PDE1C: variants seen among roughly 807,000 people sequenced by gnomAD.
The protein encoded by PDE1C is dual specificity calcium/calmodulin-dependent 3',5'-cyclic nucleotide phosphodiesterase 1C.
In PDE1C, 62 loss-of-function variants were observed where a neutral mutation model predicts 93.1. The ratio of observed to expected loss-of-function variants is 0.67; its 90% CI spans 0.54 to 0.82. The LOEUF is 0.82. PDE1C is among the 40% of genes least tolerant of loss of function. The pLI, the probability that PDE1C is intolerant of heterozygous loss-of-function variation, is 0.00. For missense variants in PDE1C, 742 were observed against 884.6 expected (o/e 0.84, Z 2.04); for synonymous variants, 325 against 310.1 (o/e 1.05, Z -0.50).
the PDE1C span, among the ~76,000 whole-genome samples, chr7:31,660,313 A>T: frequency 2.8e-4 from 42 of 152,326 alleles, no homozygotes; most frequent in East Asian, 7.5e-3. Flanking sequence ...CTATAAAACA[A>T]TGTTTGGGGA....
At chr7:31,965,583 A>T (rs904268777) in intron 2 of PDE1C, among the ~76,000 whole-genome samples, 25 of 152,180 alleles carry the variant, frequency 1.6e-4, no homozygotes, top group African/African-American at 6.0e-4. Context: ...GCAGGCCAAC[A>T]TCCAAATTCA....
At chr7:32,052,766 C>T (rs1373252830) in intron 1 of PDE1C, among the ~76,000 whole-genome samples, 1 of 152,148 alleles carries the variant, frequency 6.6e-6, no homozygotes, top group Non-Finnish European at 1.5e-5. Flanking sequence ...GTGTGTAAAG[C>T]AGCAAGTAAC....
rs376145763 is a variant in PDE1C, at chr7:31,847,142, C to T, written c.980+826G>A. Among the ~76,000 whole-genome samples the T allele has an allele frequency of 1.2e-3, 179 of 152,218 alleles. 3 individuals carry two copies. The South Asian group carries it at 0.035, about 30-fold the overall frequency. ...ATTTATAGCTACGATGATTTATTGG[C>T]TTGCTATATATGAGACAAAGTGTGC... On this transcript the variant is annotated intron_variant, in intron 9 of 17. Coordinates refer to ENST00000396191, the MANE Select transcript of PDE1C (RefSeq NM_001191057.4).
chr7:32,271,692 C>G (rs1025645910), intron 1 of PDE1C, among the ~76,000 whole-genome samples: 1 of 152,160 alleles, frequency 6.6e-6, no homozygotes, highest in African/African-American at 2.4e-5. Context: ...ACAGGTTTTG[C>G]ACCATCCCTC....
rs771905158 is a variant in PDE1C at position 31,864,941 on chromosome 7, C to T, written c.750+1G>A. 2 of 1,612,942 alleles carry T rather than the reference C, an allele frequency of 1.2e-6. No homozygotes were observed. On this transcript the variant is annotated splice_donor_variant, in intron 7 of 17. Coordinates refer to ENST00000396191, the MANE Select transcript of PDE1C (RefSeq NM_001191057.4). LOFTEE classifies it high-confidence loss of function. Reference sequence around the variant, plus strand: ...ACCTAAGAGTTCCTATCCCTACTTACCGCCACTCCTGTCTTATAGAGGAGG... The same window carrying T: ...ACCTAAGAGTTCCTATCCCTACTTATCGCCACTCCTGTCTTATAGAGGAGG...
intron 3 of PDE1C, among the ~76,000 whole-genome samples, chr7:32,107,236 GA>G (rs1017833876): frequency 7.2e-5 from 10 of 138,628 alleles, no homozygotes; most frequent in African/African-American, 2.6e-4. Context: ...ACCAGCATGA[GA>G]AAAAGAGAAA....
chr7:31,757,103 C>T (rs1002986860), intron 17 of PDE1C, among the ~76,000 whole-genome samples: 7 of 152,204 alleles, frequency 4.6e-5, no homozygotes, highest in Admixed American at 1.3e-4. Context: ...CTGGTCCATT[C>T]TTAGAATATG....
intron 16 of PDE1C, among the ~76,000 whole-genome samples, 182 bp from the exon 17 acceptor site, chr7:31,775,914 C>T (rs1165125046): frequency 6.6e-6 from 1 of 152,118 alleles, no homozygotes; most frequent in Non-Finnish European, 1.5e-5. Flanking sequence ...ATCGCCTTTG[C>T]CTTTGTGTGT....
chr7:31,997,752 T>C (rs1784904171), intron 2 of PDE1C, among the ~76,000 whole-genome samples: 9 of 152,174 alleles, frequency 5.9e-5, no homozygotes, highest in Admixed American at 5.9e-4. Context: ...CCATCCCACC[T>C]ACACAGAGAG....
the PDE1C span, among the ~76,000 whole-genome samples, chr7:31,704,854 A>G: frequency 1.3e-5 from 2 of 152,156 alleles, no homozygotes; most frequent in Non-Finnish European, 2.9e-5. Context: ...TTCCCCTGAA[A>G]GCATGAGGGT....
chr7:32,161,324 C>A (rs1247949459), intron 3 of PDE1C, among the ~76,000 whole-genome samples: 1 of 152,170 alleles, frequency 6.6e-6, no homozygotes, highest in African/African-American at 2.4e-5. Flanking sequence ...TCCAAGAGAG[C>A]ACAGAGCATC....
intron 1 of PDE1C, among the ~76,000 whole-genome samples, chr7:32,421,573 T>C (rs1157600759): frequency 6.6e-6 from 1 of 152,120 alleles, no homozygotes; most frequent in East Asian, 1.9e-4. Context: ...AGCCAGGAAG[T>C]ATGGGAGCCA....
intron 2 of PDE1C, among the ~76,000 whole-genome samples, chr7:32,024,678 A>G (rs1177937418): frequency 6.6e-6 from 1 of 152,096 alleles, no homozygotes; most frequent in Non-Finnish European, 1.5e-5. Context: ...AGGTAGGCCT[A>G]AGTTGAATCA....
At chr7:31,627,943 G>A in the PDE1C span, among the ~76,000 whole-genome samples, 8 of 152,172 alleles carry the variant, frequency 5.3e-5, no homozygotes, top group East Asian at 1.5e-3. Flanking sequence ...ACTGAAGAGA[G>A]TTTTAGAAAG....
At chr7:31,896,292 C>A (rs928251001) in intron 2 of PDE1C, among the ~76,000 whole-genome samples, 1 of 152,076 alleles carries the variant, frequency 6.6e-6, no homozygotes, top group Non-Finnish European at 1.5e-5. Context: ...GGGGTAGAAA[C>A]AGGACCTGTA....
chr7:31,949,692 G>A (rs527949660), intron 2 of PDE1C, among the ~76,000 whole-genome samples: 3 of 152,222 alleles, frequency 2.0e-5, no homozygotes, highest in Non-Finnish European at 2.9e-5. Context: ...CCTCTGGATT[G>A]AGAGCTTTTG....
At chr7:32,132,700 C>A (rs2128772897) in intron 3 of PDE1C, among the ~76,000 whole-genome samples, 1 of 152,044 alleles carries the variant, frequency 6.6e-6, no homozygotes, top group Admixed American at 6.6e-5. Context: ...AATAAAATAT[C>A]AGTTAAGTTG....
chr7:32,348,395 C>T (rs1016030424), intron 1 of PDE1C, among the ~76,000 whole-genome samples: 5 of 108,428 alleles, frequency 4.6e-5, no homozygotes, highest in Admixed American at 2.9e-4. Flanking sequence ...GATGGGGTCT[C>T]GCTCTGTCAC....
intron 3 of PDE1C, among the ~76,000 whole-genome samples, chr7:32,166,655 T>C (rs780072383): frequency 7.9e-5 from 12 of 152,190 alleles, no homozygotes; most frequent in Non-Finnish European, 1.6e-4. Flanking sequence ...AAAATCTTTA[T>C]TTCTAAGTCA....
Sources: gnomAD v4.1 joint callset for allele counts (sites outside exome capture counted in the v4.1 genomes callset) on GRCh38, gnomAD v4.1.1 for gene constraint, MANE v1.5 for transcripts, NCBI Gene and HGNC (gene_info 2026-07-23, HGNC 2026-07-21) for gene names.